PABPC4L: variants seen among roughly 807,000 people sequenced by gnomAD.
PABPC4L encodes polyadenylate-binding protein 4-like.
For synonymous variants in PABPC4L, 169 were observed against 164.1 expected, an observed-to-expected ratio of 1.03 and a Z score of -0.23; for missense variants, 452 against 451.4, an observed-to-expected ratio of 1.00 and a Z score of -0.01.
chr4:133,952,975 G>A, the PABPC4L span, among the ~76,000 whole-genome samples: 1 of 152,078 alleles, frequency 6.6e-6, no homozygotes, highest in African/African-American at 2.4e-5. Flanking sequence ...TGGTACATTA[G>A]GGAGGAGCAA....
At chr4:133,969,111 G>C in the PABPC4L span, among the ~76,000 whole-genome samples, 1 of 152,124 alleles carries the variant, frequency 6.6e-6, no homozygotes, top group Non-Finnish European at 1.5e-5. Context: ...GTGAGAGACA[G>C]AGAGTTTGAT....
chr4:133,960,426 TG>T, the PABPC4L span, among the ~76,000 whole-genome samples: 2 of 152,170 alleles, frequency 1.3e-5, no homozygotes, highest in Non-Finnish European at 2.9e-5. Flanking sequence ...GGGAGCTTGC[TG>T]GGTCCTCAAG....
At chr4:133,989,814 T>C in the PABPC4L span, among the ~76,000 whole-genome samples, 3 of 152,066 alleles carry the variant, frequency 2.0e-5, no homozygotes, top group African/African-American at 7.2e-5. Flanking sequence ...GAATGGGTAA[T>C]TTATAAAGAA....
chr4:134,110,669 C>G, the PABPC4L span, among the ~76,000 whole-genome samples: 1 of 150,974 alleles, frequency 6.6e-6, no homozygotes, highest in Non-Finnish European at 1.5e-5. Context: ...TTCATGGATG[C>G]CCAAGTCCCT....
the PABPC4L span, among the ~76,000 whole-genome samples, chr4:134,063,795 G>T: frequency 2.0e-5 from 3 of 151,848 alleles, no homozygotes; most frequent in African/African-American, 7.3e-5. Flanking sequence ...AAGTAAATGG[G>T]TGCTTATCTT....
At chr4:134,044,168 T>C in the PABPC4L span, among the ~76,000 whole-genome samples, 1 of 152,098 alleles carries the variant, frequency 6.6e-6, no homozygotes, top group Admixed American at 6.6e-5. Flanking sequence ...TGGGCTCAAG[T>C]GATCCACCTG....
At chr4:134,131,870 A>T in the PABPC4L span, among the ~76,000 whole-genome samples, 1 of 152,006 alleles carries the variant, frequency 6.6e-6, no homozygotes, top group East Asian at 1.9e-4. Context: ...AAATAGGCAC[A>T]TATAACAATG....
chr4:133,954,600 T>G, the PABPC4L span, among the ~76,000 whole-genome samples: 1 of 152,108 alleles, frequency 6.6e-6, no homozygotes, highest in African/African-American at 2.4e-5. Context: ...AGGGGTCTCT[T>G]TAGTTCCCTC....
chr4:133,956,297 G>T, the PABPC4L span, among the ~76,000 whole-genome samples: 4 of 152,120 alleles, frequency 2.6e-5, no homozygotes, highest in South Asian at 6.2e-4. Context: ...TCTCTTAAAA[G>T]AGTTATATTT....
chr4:134,045,250 C>A, the PABPC4L span, among the ~76,000 whole-genome samples: 2 of 151,900 alleles, frequency 1.3e-5, no homozygotes, highest in Non-Finnish European at 2.9e-5. Flanking sequence ...TCTATTATAC[C>A]CATGAAAAAA....
chr4:134,145,665 T>C, the PABPC4L span, among the ~76,000 whole-genome samples: 1 of 151,854 alleles, frequency 6.6e-6, no homozygotes, highest in East Asian at 1.9e-4. Flanking sequence ...AGGGCCACAA[T>C]AAAGTTTTTC....
the PABPC4L span, among the ~76,000 whole-genome samples, chr4:134,062,504 T>TA: frequency 9.3e-5 from 14 of 151,116 alleles, no homozygotes; most frequent in Non-Finnish European, 1.6e-4. Flanking sequence ...TGCTAGCATG[T>TA]AAAAAAAAAT....
chr4:134,183,266 C>T, the PABPC4L span, among the ~76,000 whole-genome samples: 9 of 151,990 alleles, frequency 5.9e-5, no homozygotes, highest in South Asian at 1.2e-3. Context: ...CAATGGAATA[C>T]TATGCAGCCA....
chr4:134,126,747 C>T, the PABPC4L span, among the ~76,000 whole-genome samples: 1 of 152,116 alleles, frequency 6.6e-6, no homozygotes, highest in African/African-American at 2.4e-5. Context: ...AGAACTATCA[C>T]AGAAACATAC....
the PABPC4L span, among the ~76,000 whole-genome samples, chr4:134,167,263 C>G: frequency 6.6e-6 from 1 of 152,036 alleles, no homozygotes; most frequent in Admixed American, 6.6e-5. Context: ...ATATGCCACT[C>G]TAGTGGGGAT....
At chr4:134,051,829 G>T in the PABPC4L span, among the ~76,000 whole-genome samples, 1 of 151,922 alleles carries the variant, frequency 6.6e-6, no homozygotes, top group Non-Finnish European at 1.5e-5. Context: ...CTATTTTTCT[G>T]ATTTTAATGA....
At chr4:134,175,425 A>AAATTAATTAATTAATTAATCAATCAATT in the PABPC4L span, among the ~76,000 whole-genome samples, 1 of 151,796 alleles carries the variant, frequency 6.6e-6, no homozygotes, top group African/African-American at 2.4e-5. Context: ...TTTATTTTTT[A>AAATTAATTAATTAATTAATCAATCAATT]AATTAATTAA....
chr4:134,034,901 T>C, the PABPC4L span, among the ~76,000 whole-genome samples: 1 of 152,070 alleles, frequency 6.6e-6, no homozygotes, highest in Admixed American at 6.6e-5. Context: ...TTTGAAATAA[T>C]TGACTCCAAT....
At chr4:134,047,527 G>T in the PABPC4L span, among the ~76,000 whole-genome samples, 3 of 152,108 alleles carry the variant, frequency 2.0e-5, no homozygotes, top group Non-Finnish European at 4.4e-5. Context: ...ATATACAAAT[G>T]GCTCAGCCCT....
Sources: gnomAD v4.1 joint callset for allele counts (sites outside exome capture counted in the v4.1 genomes callset) on GRCh38, gnomAD v4.1.1 for gene constraint, MANE v1.5 for transcripts, NCBI Gene and HGNC (gene_info 2026-07-23, HGNC 2026-07-21) for gene names.